The following CEP43 variants were observed in gnomAD, a reference collection of about 807,000 sequenced individuals.
CEP43 encodes the protein centrosomal protein 43.
In CEP43, 36 loss-of-function variants were observed where a neutral mutation model predicts 52.6. The observed-to-expected ratio is 0.68, with a 90% confidence interval of 0.52 to 0.90. CEP43 has a LOEUF of 0.90. Among genes scored for constraint, CEP43 ranks in the 40% least tolerant of loss-of-function variants. The probability of loss-of-function intolerance (pLI) is 0.00; values close to 1 mark genes in which losing one functional copy is unlikely to be tolerated. For synonymous variants in CEP43, 192 were observed against 172.4 expected (o/e 1.11, Z -0.89); for missense variants, 506 against 472.8 (o/e 1.07, Z -0.65).
At position 167,000,007 on chromosome 6, in the gene CEP43, T is replaced by C. The variant is rs537466471; in HGVS notation, c.103-53T>C. ...TTGTTGCTGGATAAATGTGAGCTTG[T>C]TGTGAAAATTGTCTTGAAATTATAA... is the stretch of plus-strand genomic sequence containing the variant. On this transcript the variant is annotated intron_variant, in intron 1 of 12. Transcript: ENST00000366847. 3 of 1,463,166 alleles carry C rather than the reference T, an allele frequency of 2.1e-6. No individual in the cohort carries two copies. The East Asian group carries it at 6.8e-5, about 33-fold the overall frequency. 90.6% of individuals were successfully genotyped at this position (1,463,166 alleles called of 1,614,324 possible). A position where few individuals can be genotyped will look rare whatever the true frequency, so the allele number is the denominator to read the frequency against.
At chr6:167,023,336 C>T (rs143742335) in intron 8 of CEP43, among the ~76,000 whole-genome samples, 48 of 152,002 alleles carry the variant, frequency 3.2e-4, no homozygotes, top group South Asian at 6.2e-4. Flanking sequence ...GTTAGGAGGC[C>T]GTTAATGATG....
intron 7 of CEP43, among the ~76,000 whole-genome samples, chr6:167,019,860 A>G (rs1369145031): frequency 6.6e-6 from 1 of 152,162 alleles, no homozygotes; most frequent in Admixed American, 6.6e-5. Context: ...TGGGGAAATC[A>G]GAATAATTAT....
At position 167,000,050 on chromosome 6, in the gene CEP43, T is replaced by A; in HGVS notation, c.103-10T>A. ...AATTATAATTTCCTGTTTCTTAACT[T>A]TTTTTTAAGGCTGAACTCCGAGCAG... On this transcript the variant is annotated splice_polypyrimidine_tract_variant and intron_variant, in intron 1 of 12. Transcript: ENST00000366847. The A allele has an allele frequency of 1.9e-6, 3 of 1,608,134 alleles. No homozygotes were observed. The highest frequency in any genetic ancestry group is 2.6e-6 in the Non-Finnish European group (3 of 1,175,438).
intron 5 of CEP43, among the ~76,000 whole-genome samples, chr6:167,006,797 A>G (rs1779865114): frequency 6.6e-6 from 1 of 152,190 alleles, no homozygotes; most frequent in Non-Finnish European, 1.5e-5. Flanking sequence ...AGTTCAGTGT[A>G]GTCTGCCTAA....
Position 167,041,378 on chromosome 6 carries a change from C to T in CEP43, c.*1400C>T, listed in dbSNP as rs142695200. The T allele has an allele frequency of 1.5e-4, 163 of 1,060,540 alleles. No homozygotes were observed. The African/African-American group carries it at 2.2e-3, about 14-fold the overall frequency. 65.7% of individuals were successfully genotyped at this position (1,060,540 alleles called of 1,614,324 possible). ...AGAGGAAGTAGGACATAAACTGGGC[C>T]GGTACAGCCTGGGAGCCCTGTGTAT... On this transcript the variant is annotated 3_prime_UTR_variant, in exon 13 of 13. Transcript: ENST00000366847.
rs987866544 is a variant in CEP43 at position 167,041,473 on chromosome 6, C to T, written c.*1495C>T. 5.2e-5 allele frequency: 55 copies of T among 1,059,112 alleles called. No individual in the cohort carries two copies. Among genetic ancestry groups the T allele is most frequent in the African/African-American group, 3.9e-4 (24 of 60,818 alleles). 65.6% of individuals were successfully genotyped at this position (1,059,112 alleles called of 1,614,324 possible). A position where few individuals can be genotyped will look rare whatever the true frequency, so the allele number is the denominator to read the frequency against. On this transcript the variant is annotated 3_prime_UTR_variant, in exon 13 of 13. Coordinates refer to ENST00000366847, the MANE Select transcript of CEP43 (RefSeq NM_007045.4). ...CTTCATGTCTTAGTAAACAGCACCA[C>T]GTGCAGATGTAATCTTGTTGCAGTC...
intron 5 of CEP43, among the ~76,000 whole-genome samples, chr6:167,009,377 G>T (rs1314685870): frequency 2.0e-5 from 3 of 151,810 alleles, no homozygotes; most frequent in East Asian, 1.9e-4. Flanking sequence ...GGGCATGGTG[G>T]TGTGCACCTG....
intron 12 of CEP43, among the ~76,000 whole-genome samples, chr6:167,034,313 G>A (rs1780536739): frequency 6.6e-6 from 1 of 152,174 alleles, no homozygotes; most frequent in African/African-American, 2.4e-5. Flanking sequence ...AGGGTACTGT[G>A]ATCACAGGAG....
intron 1 of CEP43, 117 bp from the exon 2 acceptor site, chr6:166,999,943 C>G: frequency 1.2e-6 from 1 of 822,644 alleles, no homozygotes; most frequent in Non-Finnish European, 2.0e-6. Context: ...CGTTTCTGAC[C>G]TTTGCACCTG....
chr6:167,003,836 A>G (rs746541458), intron 4 of CEP43, 25 bp downstream of exon 4: 3 of 1,378,384 alleles, frequency 2.2e-6, no homozygotes, highest in South Asian at 1.2e-5. Flanking sequence ...TTTTACATCT[A>G]TCTTTTGAAA....
chr6:167,019,230 G>A (rs1780169385), intron 7 of CEP43, among the ~76,000 whole-genome samples: 1 of 152,140 alleles, frequency 6.6e-6, no homozygotes, highest in Admixed American at 6.5e-5. Context: ...GAGCATCTGT[G>A]CACATGCATA....
At chr6:167,036,377 A>G (rs1780585163) in intron 12 of CEP43, 4 of 985,378 alleles carry the variant, frequency 4.1e-6, no homozygotes, top group Non-Finnish European at 4.8e-6. Context: ...GGTTGTTAGA[A>G]GGTGACTTTG....
At chr6:167,003,863 G>A (rs775860953) in intron 4 of CEP43, 52 bp downstream of exon 4, 2 of 1,091,558 alleles carry the variant, frequency 1.8e-6, no homozygotes, top group Non-Finnish European at 2.8e-6. Flanking sequence ...ATACAAATGA[G>A]TTAATATTAA....
chr6:167,007,576 C>T (rs1012134795), intron 5 of CEP43, among the ~76,000 whole-genome samples: 4 of 151,838 alleles, frequency 2.6e-5, no homozygotes, highest in African/African-American at 7.3e-5. Context: ...ATGTTTTGGC[C>T]CTTCATTATT....
At chr6:167,028,918 TATTA>T (rs1780409484) in intron 10 of CEP43, among the ~76,000 whole-genome samples, 1 of 152,170 alleles carries the variant, frequency 6.6e-6, no homozygotes, top group South Asian at 2.1e-4. Flanking sequence ...GGCAGACAAA[TATTA>T]ATTAAAGGTG....
intron 1 of CEP43, 121 bp from the exon 2 acceptor site, chr6:166,999,939 T>C: frequency 1.3e-6 from 1 of 768,746 alleles, no homozygotes; most frequent in Non-Finnish European, 2.2e-6. Context: ...AAGGCGTTTC[T>C]GACCTTTGCA....
chr6:167,013,613 G>A (rs750439741), intron 7 of CEP43, 46 bp downstream of exon 7: 10 of 1,532,244 alleles, frequency 6.5e-6, no homozygotes, highest in South Asian at 3.4e-5. Context: ...GTGGGCATCA[G>A]GTCTCGACTC....
At chr6:167,029,035 A>G (rs1295694788) in intron 10 of CEP43, among the ~76,000 whole-genome samples, 1 of 152,218 alleles carries the variant, frequency 6.6e-6, no homozygotes, top group Non-Finnish European at 1.5e-5. Context: ...GGGTTTGTGG[A>G]TGGCATGTAC....
At chr6:167,027,921 G>A in intron 10 of CEP43, 1 of 985,848 alleles carries the variant, frequency 1.0e-6, no homozygotes, top group South Asian at 4.7e-5. Flanking sequence ...GTGCCCTGGA[G>A]TCCTGGTAAC....
Sources: gnomAD v4.1 joint callset for allele counts (sites outside exome capture counted in the v4.1 genomes callset) on GRCh38, gnomAD v4.1.1 for gene constraint, MANE v1.5 for transcripts, NCBI Gene and HGNC (gene_info 2026-07-23, HGNC 2026-07-21) for gene names.